Variants in KLHL22 observed in about 807,000 individuals in gnomAD.
KLHL22 encodes kelch-like protein 22.
In KLHL22, 18 loss-of-function variants were observed where a neutral mutation model predicts 60.7. That is an observed-to-expected ratio of 0.30 (90% confidence interval 0.20 to 0.44). KLHL22 has a LOEUF of 0.44. Ranked by LOEUF, KLHL22 falls within the 20% of genes least tolerant of loss-of-function variation. The pLI is 1.00. For missense variants in KLHL22, 596 were observed against 852.3 expected (o/e 0.70, Z 3.74); for synonymous variants, 355 against 354.5 (o/e 1.00, Z -0.01).
At chr22:20,493,058 T>C (rs1219386110) in intron 1 of KLHL22, 11 of 433,306 alleles carry the variant, frequency 2.5e-5, no homozygotes, top group East Asian at 7.2e-5. Context: ...ATCACCACCA[T>C]GACCACCGCA....
At position 20,442,047 on chromosome 22, in the gene KLHL22, T is replaced by C; in HGVS notation, c.*26A>G. The C allele has an allele frequency of 6.7e-7, 1 of 1,490,588 alleles. No homozygotes were observed. The highest frequency in any genetic ancestry group is 8.9e-7 in the Non-Finnish European group (1 of 1,119,798). 92.3% of individuals were successfully genotyped at this position (1,490,588 alleles called of 1,614,324 possible). A position where few individuals can be genotyped will look rare whatever the true frequency, so the allele number is the denominator to read the frequency against. On this transcript the variant is annotated 3_prime_UTR_variant, in exon 7 of 7. Transcript: ENST00000328879. ...ACTGCCCTGCAGCCCCAGCCTCCCT[T>C]CCCTCTGATGCCAGGCACAGGGAGC...
chr22:20,494,076 C>A (rs1477422307), intron 1 of KLHL22, among the ~76,000 whole-genome samples: 2 of 110,772 alleles, frequency 1.8e-5, no homozygotes, highest in Admixed American at 9.3e-5. Context: ...CAGACTTTGC[C>A]CCCCCCCCAA....
chr22:20,446,707 A>G (rs371844865), intron 5 of KLHL22, 31 bp from the exon 6 acceptor site: 2 of 1,569,942 alleles, frequency 1.3e-6, no homozygotes, highest in East Asian at 2.2e-5. Context: ...AAATGGCGTG[A>G]GAGGGCAGTG....
At chr22:20,442,575 G>A (rs2052779117) in intron 6 of KLHL22, 137 bp from the exon 7 acceptor site, 1 of 1,105,296 alleles carries the variant, frequency 9.0e-7, no homozygotes, top group Non-Finnish European at 1.2e-6. Flanking sequence ...ATGGCACAGG[G>A]CCAGTGTTGA....
chr22:20,483,932 C>A, intron 2 of KLHL22: 1 of 678,856 alleles, frequency 1.5e-6, no homozygotes, highest in Admixed American at 2.0e-5. Context: ...CCCCAGACCC[C>A]ATGCAGCCCT....
At chr22:20,485,195 G>A (rs2053565558) in intron 2 of KLHL22, among the ~76,000 whole-genome samples, 1 of 152,222 alleles carries the variant, frequency 6.6e-6, no homozygotes, top group African/African-American at 2.4e-5. Context: ...CATGGAGGTT[G>A]TATAAAAAGG....
intron 2 of KLHL22, chr22:20,483,858 G>C: frequency 1.4e-6 from 1 of 719,188 alleles, no homozygotes; most frequent in South Asian, 1.4e-5. Flanking sequence ...GCTTTGTATG[G>C]TCTCCTTCTC....
intron 5 of KLHL22, among the ~76,000 whole-genome samples, chr22:20,452,590 AC>A (rs1260364838): frequency 6.6e-6 from 1 of 152,230 alleles, no homozygotes; most frequent in East Asian, 1.9e-4. Context: ...AAAAGAGTGA[AC>A]CAATGTTGGG....
intron 4 of KLHL22, among the ~76,000 whole-genome samples, chr22:20,459,660 G>C (rs1470450508): frequency 2.6e-5 from 4 of 152,342 alleles, no homozygotes; most frequent in Non-Finnish European, 5.9e-5. Context: ...GCTCAGGACA[G>C]ATTATGTTCT....
At chr22:20,456,666 C>G (rs1430671667) in intron 5 of KLHL22, among the ~76,000 whole-genome samples, 1 of 152,242 alleles carries the variant, frequency 6.6e-6, no homozygotes, top group Non-Finnish European at 1.5e-5. Flanking sequence ...GCTTCCTTCT[C>G]CCCAAAGAAG....
intron 5 of KLHL22, among the ~76,000 whole-genome samples, chr22:20,453,821 G>A (rs920233411): frequency 7.2e-5 from 11 of 152,012 alleles, no homozygotes; most frequent in African/African-American, 2.7e-4. Context: ...TGCAACCTCT[G>A]CCTCCTGGGT....
In KLHL22 at chr22:20,489,860, T is replaced by G. The variant is rs547340981; in HGVS notation, c.-33-616A>C. On this transcript the variant is annotated intron_variant, in intron 1 of 6. Transcript: ENST00000328879. ...AGGGCCTACTTTCCTTTACTGAAATTCTGAGAGTCAAGCACAGTAACTGTG... is the reference window on the plus strand; with the variant it reads ...AGGGCCTACTTTCCTTTACTGAAATGCTGAGAGTCAAGCACAGTAACTGTG... 3.4e-4 allele frequency: 158 copies of G among 467,584 alleles called. 3 individuals are homozygous for G. The highest frequency in any genetic ancestry group is 1.8e-3 in the South Asian group (117 of 63,898). The allele number at this position is 467,584 out of a possible 1,614,324, so 29.0% of individuals were successfully genotyped here.
intron 3 of KLHL22, among the ~76,000 whole-genome samples, chr22:20,469,858 T>C (rs368118493): frequency 6.6e-6 from 1 of 152,012 alleles, no homozygotes; most frequent in East Asian, 1.9e-4. Flanking sequence ...TTTGTTTCAC[T>C]TTTAAGAAAT....
intron 4 of KLHL22, among the ~76,000 whole-genome samples, chr22:20,459,019 T>C (rs1569128962): frequency 6.6e-6 from 1 of 152,070 alleles, no homozygotes; most frequent in African/African-American, 2.4e-5. Context: ...GCTCCTGGGC[T>C]GAGCACCAAC....
At chr22:20,474,869 A>G (rs993363657) in intron 2 of KLHL22, among the ~76,000 whole-genome samples, 1 of 152,226 alleles carries the variant, frequency 6.6e-6, no homozygotes, top group Non-Finnish European at 1.5e-5. Flanking sequence ...TTATACTTTG[A>G]TAGTATTGTC....
chr22:20,452,083 A>G (rs2146184407), intron 5 of KLHL22, among the ~76,000 whole-genome samples: 1 of 152,112 alleles, frequency 6.6e-6, no homozygotes, highest in Non-Finnish European at 1.5e-5. Context: ...CTCTCCCACT[A>G]CTTTGGGGAG....
chr22:20,451,680 A>T, intron 5 of KLHL22: 1 of 1,603,650 alleles, frequency 6.2e-7, no homozygotes, highest in East Asian at 2.2e-5. Context: ...TTCGGGGGAG[A>T]CTCTATGCAA....
intron 5 of KLHL22, among the ~76,000 whole-genome samples, chr22:20,448,539 T>C (rs1569121655): frequency 6.6e-6 from 1 of 152,232 alleles, no homozygotes; most frequent in Non-Finnish European, 1.5e-5. Flanking sequence ...CCAATAAAGC[T>C]ACTATTAACA....
intron 2 of KLHL22, among the ~76,000 whole-genome samples, chr22:20,484,731 CT>C (rs10712145): frequency 0.29 from 39,409 of 137,674 alleles, 5,655 homozygotes; most frequent in African/African-American, 0.37. Context: ...TGTGCTCAGC[CT>C]TTTTTTTTTT....
Sources: allele counts gnomAD v4.1 joint callset (sites outside exome capture counted in the v4.1 genomes callset), GRCh38; gene constraint gnomAD v4.1.1; transcripts MANE v1.5; gene names NCBI Gene and HGNC (gene_info 2026-07-23, HGNC 2026-07-21).